Variants in ZBTB44 observed in about 807,000 individuals in gnomAD.
ZBTB44 encodes the protein zinc finger and BTB domain containing 44.
A neutral mutation model predicts 54.0 loss-of-function variants in ZBTB44; 15 were observed. The observed-to-expected ratio is 0.28, with a 90% CI of 0.19 to 0.43. ZBTB44 has a LOEUF of 0.43. Ranked by LOEUF, ZBTB44 falls within the 20% of genes least tolerant of loss-of-function variation. ZBTB44 has a pLI of 1.00. For missense variants in ZBTB44, 487 were observed against 707.1 expected (o/e 0.69, Z 3.53); for synonymous variants, 230 against 250.1 (o/e 0.92, Z 0.76).
At chr11:130,290,375 GT>G (rs1941231180) in intron 1 of ZBTB44, among the ~76,000 whole-genome samples, 1 of 152,192 alleles carries the variant, frequency 6.6e-6, no homozygotes, top group African/African-American at 2.4e-5. Flanking sequence ...TTACTTCGTT[GT>G]TTTAAGCCAT....
intron 1 of ZBTB44, among the ~76,000 whole-genome samples, chr11:130,307,369 G>A (rs556183201): frequency 5.3e-5 from 8 of 151,078 alleles, no homozygotes; most frequent in African/African-American, 1.7e-4. Flanking sequence ...AGCTTGCAGT[G>A]AGCTGAGATC....
chr11:130,275,558 A>G (rs1296861036), intron 1 of ZBTB44, among the ~76,000 whole-genome samples: 1 of 152,130 alleles, frequency 6.6e-6, no homozygotes, highest in Non-Finnish European at 1.5e-5. Context: ...TTTAATTACC[A>G]CATATTTGTG....
chr11:130,289,767 C>T (rs1469047604), intron 1 of ZBTB44, among the ~76,000 whole-genome samples: 1 of 152,102 alleles, frequency 6.6e-6, no homozygotes, highest in Non-Finnish European at 1.5e-5. Flanking sequence ...CTAATTTAAC[C>T]AACTCTGAGG....
At chr11:130,304,241 C>G (rs978179097) in intron 1 of ZBTB44, among the ~76,000 whole-genome samples, 2 of 151,978 alleles carry the variant, frequency 1.3e-5, no homozygotes, top group African/African-American at 4.8e-5. Flanking sequence ...TTCTGAAGTA[C>G]CAAGGACTAT....
intron 3 of ZBTB44, 186 bp from the exon 4 acceptor site, chr11:130,238,793 GT>G (rs376319486): frequency 0.036 from 17,459 of 484,640 alleles, 260 homozygotes; most frequent in African/African-American, 0.12. Context: ...AATGCCTTTT[GT>G]TTTTTTTTTT....
intron 1 of ZBTB44, among the ~76,000 whole-genome samples, chr11:130,278,794 T>C (rs973706946): frequency 6.6e-6 from 1 of 152,214 alleles, no homozygotes; most frequent in Non-Finnish European, 1.5e-5. Flanking sequence ...ATATTCTTAT[T>C]GATAGCCTCT....
At chr11:130,311,995 C>G (rs1942636180) in intron 1 of ZBTB44, among the ~76,000 whole-genome samples, 1 of 152,130 alleles carries the variant, frequency 6.6e-6, no homozygotes, top group Admixed American at 6.5e-5. Flanking sequence ...CCATGAGAGT[C>G]TGAAGTGGTA....
chr11:130,253,390 T>C (rs1288122817), intron 2 of ZBTB44, among the ~76,000 whole-genome samples: 2 of 152,156 alleles, frequency 1.3e-5, no homozygotes, highest in Non-Finnish European at 2.9e-5. Flanking sequence ...CAAAAATCAA[T>C]GTGCAAAAAT....
At chr11:130,284,057 G>A (rs926664598) in intron 1 of ZBTB44, among the ~76,000 whole-genome samples, 1 of 150,958 alleles carries the variant, frequency 6.6e-6, no homozygotes, top group Non-Finnish European at 1.5e-5. Flanking sequence ...GGGAGGCTGA[G>A]GTGGGCAGAT....
At chr11:130,238,703 C>T in intron 3 of ZBTB44, 96 bp from the exon 4 acceptor site, 1 of 1,253,480 alleles carries the variant, frequency 8.0e-7, no homozygotes, top group Non-Finnish European at 1.0e-6. Context: ...AGATAAAACA[C>T]TTAAAGACTT....
intron 2 of ZBTB44, among the ~76,000 whole-genome samples, chr11:130,252,053 G>A (rs1938048132): frequency 6.6e-6 from 1 of 152,054 alleles, no homozygotes; most frequent in African/African-American, 2.4e-5. Flanking sequence ...GACACACATA[G>A]ACTCAAAATA....
At chr11:130,289,319 C>A (rs1258043772) in intron 1 of ZBTB44, among the ~76,000 whole-genome samples, 1 of 151,950 alleles carries the variant, frequency 6.6e-6, no homozygotes, top group Non-Finnish European at 1.5e-5. Context: ...CCCGTCTCTA[C>A]TAAAAATACA....
intron 1 of ZBTB44, among the ~76,000 whole-genome samples, chr11:130,278,066 T>G (rs1940237137): frequency 6.6e-6 from 1 of 152,064 alleles, no homozygotes; most frequent in African/African-American, 2.4e-5. Context: ...TTACTGTATG[T>G]TTAAATTGCT....
intron 1 of ZBTB44, among the ~76,000 whole-genome samples, chr11:130,291,830 A>G (rs1941315018): frequency 2.0e-5 from 3 of 152,226 alleles, no homozygotes; most frequent in African/African-American, 2.4e-5. Flanking sequence ...TTCATGTACA[A>G]TAAACTGCAT....
Position 130,228,958 on chromosome 11 carries a change from T to A in ZBTB44, c.*2806A>T, listed in dbSNP as rs1369280966. ...TGAACAAAAACTAAAAATTTTAAAG[T>A]TAAAAAAAGTTTTGTTTTTAATCCG... On this transcript the variant is annotated 3_prime_UTR_variant, in exon 8 of 8. Transcript: ENST00000357899. 1 of 152,164 alleles carries A rather than the reference T, an allele frequency of 6.6e-6. No individual in the cohort carries two copies. The highest frequency in any genetic ancestry group is 1.5e-5 in the Non-Finnish European group (1 of 68,022). 9.4% of individuals were successfully genotyped at this position (152,164 alleles called of 1,614,324 possible).
chr11:130,308,092 C>T (rs942785915), intron 1 of ZBTB44, among the ~76,000 whole-genome samples: 7 of 152,140 alleles, frequency 4.6e-5, no homozygotes, highest in African/African-American at 9.7e-5. Context: ...ATATACTTTC[C>T]ACTGCATTAC....
At position 130,284,088 on chromosome 11, in the gene ZBTB44, A is replaced by G. The variant is rs58202161; in HGVS notation, c.-56-22159T>C. On this transcript the variant is annotated intron_variant, in intron 1 of 7. Coordinates refer to ENST00000357899, the MANE Select transcript of ZBTB44 (RefSeq NM_001301098.2). Reference sequence around the variant, plus strand: ...CAGATCACCTGAGGTCGGAAGTTCAAGACCAGCCTGGCCAACATGGCGAAA... The same window carrying G: ...CAGATCACCTGAGGTCGGAAGTTCAGGACCAGCCTGGCCAACATGGCGAAA... Among the ~76,000 whole-genome samples the G allele has an allele frequency of 8.4e-3, 1,280 of 152,098 alleles. 25 individuals carry two copies. Among genetic ancestry groups the G allele is most frequent in the African/African-American group, 0.029 (1,202 of 41,474 alleles).
intron 1 of ZBTB44, chr11:130,296,352 A>G: frequency 1.3e-6 from 2 of 1,541,506 alleles, no homozygotes; most frequent in Admixed American, 2.0e-5. Context: ...TTCATCTTGT[A>G]TGTCCGTGAA....
intron 1 of ZBTB44, among the ~76,000 whole-genome samples, chr11:130,282,258 A>G (rs1322670067): frequency 6.6e-6 from 1 of 152,188 alleles, no homozygotes; most frequent in Non-Finnish European, 1.5e-5. Flanking sequence ...GAGCTTTGTC[A>G]TCATCCCACA....
Sources: gnomAD v4.1 joint callset for allele counts (sites outside exome capture counted in the v4.1 genomes callset) on GRCh38, gnomAD v4.1.1 for gene constraint, MANE v1.5 for transcripts, NCBI Gene and HGNC (gene_info 2026-07-23, HGNC 2026-07-21) for gene names.